The following MTHFD1L variants were observed in gnomAD, a reference collection of about 807,000 sequenced individuals.
MTHFD1L encodes monofunctional C1-tetrahydrofolate synthase, mitochondrial.
Under a neutral mutation model 119.5 loss-of-function variants are expected in MTHFD1L, and 81 were observed. The observed-to-expected ratio is 0.68, with a 90% CI of 0.57 to 0.82. The LOEUF (loss-of-function observed/expected upper bound fraction) is 0.82, where lower values mean the gene tolerates loss of function less well. MTHFD1L is among the 40% of genes least tolerant of loss of function. The pLI is 0.00. For missense variants in MTHFD1L, 1,125 were observed against 1,253.4 expected (o/e 0.90, Z 1.55); for synonymous variants, 430 against 475.2 (o/e 0.90, Z 1.24).
chr6:151,065,171 G>A (rs1791100852), intron 26 of MTHFD1L, among the ~76,000 whole-genome samples: 1 of 152,150 alleles, frequency 6.6e-6, no homozygotes, highest in Admixed American at 6.5e-5. Flanking sequence ...TAATTTAGGA[G>A]TATCTGGCAT....
chr6:151,085,842 A>G (rs934216713), intron 26 of MTHFD1L, among the ~76,000 whole-genome samples: 5 of 152,052 alleles, frequency 3.3e-5, no homozygotes, highest in Non-Finnish European at 7.4e-5. Context: ...CTCTACAAGC[A>G]GGGACCAGGT....
intron 24 of MTHFD1L, among the ~76,000 whole-genome samples, chr6:151,017,149 G>A (rs1214358659): frequency 1.3e-5 from 2 of 151,918 alleles, no homozygotes; most frequent in East Asian, 1.9e-4. Context: ...TCTCCAGAAC[G>A]CTTTTCATCT....
chr6:150,866,369 G>C, intron 1 of MTHFD1L: 3 of 1,410,214 alleles, frequency 2.1e-6, no homozygotes, highest in Non-Finnish European at 2.8e-6. Flanking sequence ...ATGCAATCGC[G>C]CCGGGCGCGA....
chr6:150,976,652 G>A (rs187035883), intron 20 of MTHFD1L, among the ~76,000 whole-genome samples: 5 of 152,240 alleles, frequency 3.3e-5, no homozygotes, highest in Admixed American at 2.0e-4. Context: ...GAAAAATGTC[G>A]ATAATTTGGC....
chr6:150,905,784 T>G, intron 8 of MTHFD1L, 23 bp downstream of exon 8: 1 of 1,533,968 alleles, frequency 6.5e-7, no homozygotes, highest in Non-Finnish European at 9.0e-7. Flanking sequence ...ACATTGGTGT[T>G]GAGCCACTGA....
chr6:151,061,009 T>A lies in MTHFD1L; in HGVS notation c.2847+23892T>A, dbSNP rs557645326. Among the ~76,000 whole-genome samples the A allele has an allele frequency of 2.6e-5, 4 of 152,268 alleles. No homozygotes were observed. In the East Asian group the frequency reaches 5.8e-4, roughly 22 times the overall value. On this transcript the variant is annotated intron_variant, in intron 26 of 27. Coordinates refer to ENST00000367321, the MANE Select transcript of MTHFD1L (RefSeq NM_015440.5). ...AATGAGAGCAATTACCGAACTAGAA[T>A]GAACTAAACTCAATGAACAGGAGCG... is the stretch of plus-strand genomic sequence containing the variant.
intron 26 of MTHFD1L, among the ~76,000 whole-genome samples, chr6:151,055,389 C>G (rs1277005057): frequency 6.6e-6 from 1 of 152,166 alleles, no homozygotes; most frequent in African/African-American, 2.4e-5. Context: ...AGATTAAAAT[C>G]TCCATCTCGG....
At chr6:150,894,892 C>T (rs972336423) in intron 7 of MTHFD1L, among the ~76,000 whole-genome samples, 3 of 152,148 alleles carry the variant, frequency 2.0e-5, no homozygotes, top group Non-Finnish European at 4.4e-5. Flanking sequence ...TTGAGGTGTA[C>T]GGTTGAAAAT....
At chr6:150,894,889 G>A (rs1288537465) in intron 7 of MTHFD1L, among the ~76,000 whole-genome samples, 2 of 152,200 alleles carry the variant, frequency 1.3e-5, no homozygotes, top group Admixed American at 6.5e-5. Flanking sequence ...CCGTTGAGGT[G>A]TACGGTTGAA....
rs541710061 is a variant in MTHFD1L, at chr6:151,078,488, AGC to A, written c.2848-13978_2848-13977del. On this transcript the variant is annotated intron_variant, in intron 26 of 27. Coordinates refer to ENST00000367321, the MANE Select transcript of MTHFD1L (RefSeq NM_015440.5). ...ATCTTCCATTTCTCTGGGTCAGCTT[AGC>A]TGGGTTCTCTGCTTCAGACTGCGAA... 4.4e-3 allele frequency among the ~76,000 whole-genome samples: 673 copies of A among 152,320 alleles called. 1 individual carries two copies. Among genetic ancestry groups the A allele is most frequent in the Non-Finnish European group, 6.4e-3 (434 of 68,038 alleles).
At chr6:150,934,973 G>T in intron 11 of MTHFD1L, 1 of 1,538,218 alleles carries the variant, frequency 6.5e-7, no homozygotes. Context: ...TGGAAATGGG[G>T]AATGGGCTAT....
intron 18 of MTHFD1L, 26 bp downstream of exon 18, chr6:150,960,441 C>G (rs1464446666): frequency 1.3e-6 from 2 of 1,587,058 alleles, no homozygotes; most frequent in Non-Finnish European, 1.7e-6. Flanking sequence ...TCGGAAGCTT[C>G]AGGGAGTGGA....
rs1778157103 is a variant in MTHFD1L, at chr6:150,985,473, C to G, written c.2125+13415C>G. Among the ~76,000 whole-genome samples the G allele has an allele frequency of 2.6e-5, 4 of 151,914 alleles. No homozygotes were observed. In the South Asian group the frequency reaches 8.3e-4, roughly 32 times the overall value. ...GGTGGATCACTTGAGACCAGCTTGG[C>G]CAACATGATGAAACCTGTCTCTACT... On this transcript the variant is annotated intron_variant, in intron 20 of 27. Transcript: ENST00000367321.
intron 26 of MTHFD1L, among the ~76,000 whole-genome samples, chr6:151,077,452 G>C (rs1792642347): frequency 6.6e-6 from 1 of 151,962 alleles, no homozygotes; most frequent in African/African-American, 2.4e-5. Flanking sequence ...AGACCAGCCT[G>C]GTCAACCTGA....
intron 20 of MTHFD1L, among the ~76,000 whole-genome samples, chr6:150,998,407 T>C (rs17080665): frequency 0.25 from 38,131 of 152,056 alleles, 4,996 homozygotes; most frequent in Middle Eastern, 0.31. Context: ...TTTCTCTTGC[T>C]AAGTTACATT....
At chr6:150,869,407 TA>T (rs770008630) in intron 1 of MTHFD1L, among the ~76,000 whole-genome samples, 1 of 152,166 alleles carries the variant, frequency 6.6e-6, no homozygotes, top group East Asian at 1.9e-4. Flanking sequence ...AACTCCCACT[TA>T]TGAGTGAGAA....
intron 20 of MTHFD1L, among the ~76,000 whole-genome samples, chr6:150,994,220 A>C (rs963256175): frequency 6.6e-6 from 1 of 152,084 alleles, no homozygotes; most frequent in African/African-American, 2.4e-5. Flanking sequence ...GTAGTCCAGG[A>C]TGGTTGCACA....
At chr6:150,937,819 C>A (rs1382191279) in intron 12 of MTHFD1L, among the ~76,000 whole-genome samples, 1 of 152,060 alleles carries the variant, frequency 6.6e-6, no homozygotes, top group African/African-American at 2.4e-5. Context: ...TGAGAAAGCA[C>A]GTAAAGAACG....
intron 5 of MTHFD1L, among the ~76,000 whole-genome samples, chr6:150,883,957 G>A (rs376169365): frequency 6.6e-6 from 1 of 151,998 alleles, no homozygotes. Context: ...TTCCATTCTA[G>A]CCTTTTATTG....
Sources: gnomAD v4.1 joint callset for allele counts (sites outside exome capture counted in the v4.1 genomes callset) on GRCh38, gnomAD v4.1.1 for gene constraint, MANE v1.5 for transcripts, NCBI Gene and HGNC (gene_info 2026-07-23, HGNC 2026-07-21) for gene names.